Variants in SLC25A24 observed in about 807,000 individuals in gnomAD.
The protein encoded by SLC25A24 is mitochondrial adenyl nucleotide antiporter SLC25A24.
A neutral mutation model predicts 60.7 loss-of-function variants in SLC25A24; 49 were observed. The ratio of observed to expected loss-of-function variants is 0.81; its 90% CI spans 0.64 to 1.02. The LOEUF (loss-of-function observed/expected upper bound fraction) is 1.02. SLC25A24 is among the 50% of genes least tolerant of loss of function. The pLI is 0.00. For synonymous variants in SLC25A24, 202 were observed against 200.6 expected (o/e 1.01, Z -0.06); for missense variants, 564 against 586.3 (o/e 0.96, Z 0.39).
chr1:108,154,703 T>C (rs994873317), intron 6 of SLC25A24, among the ~76,000 whole-genome samples: 3 of 152,170 alleles, frequency 2.0e-5, no homozygotes, highest in Non-Finnish European at 4.4e-5. Context: ...CTGCTCAGGA[T>C]TCAGAATGAA....
At chr1:108,199,736 A>G in intron 1 of SLC25A24, 1 of 590,546 alleles carries the variant, frequency 1.7e-6, no homozygotes, top group Non-Finnish European at 3.0e-6. Flanking sequence ...TTTTATCTGG[A>G]CAAATACCAG....
At chr1:108,161,095 C>A in intron 4 of SLC25A24, 87 bp downstream of exon 4, 2 of 694,820 alleles carry the variant, frequency 2.9e-6, no homozygotes, top group South Asian at 3.8e-5. Flanking sequence ...GTATCCTGGC[C>A]CATAAGTGTT....
At chr1:108,138,943 G>T in intron 9 of SLC25A24, 115 bp downstream of exon 9, 1 of 1,074,680 alleles carries the variant, frequency 9.3e-7, no homozygotes, top group Non-Finnish European at 1.3e-6. Context: ...ATGAAAAAAA[G>T]GTTGAGAAAT....
chr1:108,183,416 T>G (rs1212651006), intron 2 of SLC25A24, among the ~76,000 whole-genome samples: 2 of 152,220 alleles, frequency 1.3e-5, no homozygotes, highest in Admixed American at 6.5e-5. Context: ...TCCATAAAGT[T>G]CTATATTCAT....
At chr1:108,189,931 T>C (rs1648291369) in intron 1 of SLC25A24, among the ~76,000 whole-genome samples, 1 of 151,812 alleles carries the variant, frequency 6.6e-6, no homozygotes, top group South Asian at 2.1e-4. Context: ...ACCCACAGTT[T>C]CAGGTATTCA....
chr1:108,174,219 T>C (rs1647585724), intron 3 of SLC25A24, among the ~76,000 whole-genome samples: 1 of 152,134 alleles, frequency 6.6e-6, no homozygotes, highest in Admixed American at 6.5e-5. Context: ...AAAAATGGTT[T>C]CCTGGGCCAG....
intron 2 of SLC25A24, among the ~76,000 whole-genome samples, chr1:108,185,442 C>T (rs972875405): frequency 1.3e-5 from 2 of 152,082 alleles, no homozygotes; most frequent in African/African-American, 2.4e-5. Context: ...TTAGATGACA[C>T]AACTGTCATT....
chr1:108,176,187 G>T (rs1163641717), intron 3 of SLC25A24, among the ~76,000 whole-genome samples: 2 of 151,774 alleles, frequency 1.3e-5, no homozygotes, highest in African/African-American at 2.4e-5. Flanking sequence ...AATAATAAAA[G>T]AAAAAATCAA....
chr1:108,143,155 T>C (rs1679489376), intron 8 of SLC25A24, among the ~76,000 whole-genome samples: 2 of 152,218 alleles, frequency 1.3e-5, no homozygotes, highest in Non-Finnish European at 2.9e-5. Flanking sequence ...ATGATTTAGA[T>C]TGCAGGGTTG....
At chr1:108,156,565 A>G (rs1679904577) in intron 5 of SLC25A24, among the ~76,000 whole-genome samples, 1 of 152,228 alleles carries the variant, frequency 6.6e-6, no homozygotes, top group Non-Finnish European at 1.5e-5. Flanking sequence ...AAACAGTGTC[A>G]GAATCTTTTT....
At chr1:108,149,642 C>A (rs1339144807) in intron 6 of SLC25A24, among the ~76,000 whole-genome samples, 2 of 152,156 alleles carry the variant, frequency 1.3e-5, no homozygotes, top group Non-Finnish European at 2.9e-5. Flanking sequence ...AAGCCAGATT[C>A]CTTCTCTCAG....
chr1:108,154,705 C>T (rs1386694984), intron 6 of SLC25A24, among the ~76,000 whole-genome samples: 4 of 151,946 alleles, frequency 2.6e-5, no homozygotes, highest in Admixed American at 2.6e-4. Flanking sequence ...GCTCAGGATT[C>T]AGAATGAATA....
At chr1:108,149,002 C>T (rs1231264452) in intron 6 of SLC25A24, among the ~76,000 whole-genome samples, 2 of 152,154 alleles carry the variant, frequency 1.3e-5, no homozygotes, top group East Asian at 3.9e-4. Flanking sequence ...CAAGTTGCTC[C>T]TTTGCTGAAA....
intron 1 of SLC25A24, chr1:108,198,603 TACGTAAAAA>T (rs1257761873): frequency 6.6e-6 from 1 of 152,232 alleles, no homozygotes; most frequent in Non-Finnish European, 1.5e-5. Context: ...ATGATGCAGT[TACGTAAAAA>T]TGGTGATACA....
chr1:108,192,334 G>A (rs1267067131), intron 1 of SLC25A24, among the ~76,000 whole-genome samples: 1 of 139,416 alleles, frequency 7.2e-6, no homozygotes, highest in Non-Finnish European at 1.6e-5. Context: ...TGTGTTAGCT[G>A]TGTTGTTATT....
chr1:108,165,737 C>T lies in SLC25A24; in HGVS notation c.399-4444G>A, dbSNP rs560703424. Among the ~76,000 whole-genome samples, 7 of 152,282 alleles carry T rather than the reference C, an allele frequency of 4.6e-5. No individual in the cohort carries two copies. In the East Asian group the frequency reaches 1.3e-3, roughly 29 times the overall value. ...AATACAGCACACTGATGGGTCTTGA[C>T]TCTGTATCCAATTTGCCAGTCTGTG... On this transcript the variant is annotated intron_variant, in intron 3 of 9. Coordinates refer to ENST00000565488, the MANE Select transcript of SLC25A24 (RefSeq NM_013386.5).
intron 1 of SLC25A24, 134 bp from the exon 2 acceptor site, chr1:108,186,088 T>G: frequency 1.8e-6 from 1 of 556,266 alleles, no homozygotes; most frequent in South Asian, 3.4e-5. Context: ...TGTATCATCA[T>G]TCATTATCGC....
chr1:108,155,589 TCTC>T (rs1307318982), intron 5 of SLC25A24, among the ~76,000 whole-genome samples: 1 of 151,972 alleles, frequency 6.6e-6, no homozygotes, highest in Non-Finnish European at 1.5e-5. Flanking sequence ...TGTTACTCCC[TCTC>T]CTCAAGAAGT....
Position 108,163,906 on chromosome 1 carries a change from C to G in SLC25A24, c.399-2613G>C, listed in dbSNP as rs1680166066. Among the ~76,000 whole-genome samples, 4 of 152,296 alleles carry G rather than the reference C, an allele frequency of 2.6e-5. No individual in the cohort carries two copies. The South Asian group carries it at 8.3e-4, about 32-fold the overall frequency. On this transcript the variant is annotated intron_variant, in intron 3 of 9. Transcript: ENST00000565488. ...GGAATGCTTCCAGTTTTTACCCAGTCAGTATGATATTGGCTGTGGGTTTGT... is the reference window on the plus strand; with the variant it reads ...GGAATGCTTCCAGTTTTTACCCAGTGAGTATGATATTGGCTGTGGGTTTGT...
Sources: gnomAD v4.1 joint callset for allele counts (sites outside exome capture counted in the v4.1 genomes callset) on GRCh38, gnomAD v4.1.1 for gene constraint, MANE v1.5 for transcripts, NCBI Gene and HGNC (gene_info 2026-07-23, HGNC 2026-07-21) for gene names.